SUSD1: variants seen among roughly 807,000 people sequenced by gnomAD.
SUSD1 encodes the protein sushi domain-containing protein 1.
SUSD1 carries 65 observed loss-of-function variants against 86.9 expected under a neutral mutation model. The ratio of observed to expected loss-of-function variants is 0.75; its 90% CI spans 0.61 to 0.92. The LOEUF is 0.92. SUSD1 is among the 40% of genes least tolerant of loss of function. The probability of loss-of-function intolerance (pLI) is 0.00; values close to 1 mark genes in which losing one functional copy is unlikely to be tolerated. For synonymous variants in SUSD1, 346 were observed against 350.0 expected (o/e 0.99, Z 0.13); for missense variants, 850 against 929.7 (o/e 0.91, Z 1.11).
At position 112,111,817 on chromosome 9, in the gene SUSD1, C is replaced by T. The variant is rs1205877681; in HGVS notation, c.1008G>A (p.Leu336=). Residue 336 remains leucine (L), a synonymous_variant, in exon 8 of 17, where the codon TTG becomes TTA. Transcript: ENST00000374270. Reference sequence around the variant, plus strand: ...CCTCACGAACTGATTCCATAGGGTCCAACCGTTGTCCTTTTATGGATATCT... The same window carrying T: ...CCTCACGAACTGATTCCATAGGGTCTAACCGTTGTCCTTTTATGGATATCT... ...SYVISIKGQR[L]DPMESVREET... is the part of the protein sequence containing the mutation. The T allele has an allele frequency of 1.2e-6, 2 of 1,614,030 alleles. No homozygotes were observed. Among genetic ancestry groups the T allele is most frequent in the Non-Finnish European group, 1.7e-6 (2 of 1,179,982 alleles).
At chr9:112,155,368 T>G (rs911053685) in intron 2 of SUSD1, among the ~76,000 whole-genome samples, 2 of 151,922 alleles carry the variant, frequency 1.3e-5, no homozygotes, top group Non-Finnish European at 2.9e-5. Context: ...TGCTAGCAAG[T>G]GCGGGTGAGG....
intron 8 of SUSD1, among the ~76,000 whole-genome samples, chr9:112,107,452 A>G (rs1217155347): frequency 6.6e-6 from 1 of 152,076 alleles, no homozygotes; most frequent in East Asian, 1.9e-4. Flanking sequence ...CTGCTCATAA[A>G]TAAGTAAATA....
chr9:112,164,692 C>G (rs1181602844), intron 1 of SUSD1, among the ~76,000 whole-genome samples: 1 of 152,158 alleles, frequency 6.6e-6, no homozygotes, highest in Non-Finnish European at 1.5e-5. Context: ...TGCCTGTAAT[C>G]CCAGCACTTT....
Position 112,143,013 on chromosome 9 carries a change from C to G in SUSD1, c.526+458G>C, listed in dbSNP as rs7870810. Among the ~76,000 whole-genome samples the G allele has an allele frequency of 4.9e-3, 462 of 93,442 alleles. 7 individuals carry two copies. The highest frequency in any genetic ancestry group is 0.018 in the African/African-American group (442 of 24,364). 61.3% of individuals were successfully genotyped at this position (93,442 alleles called of 152,430 possible). A position where few individuals can be genotyped will look rare whatever the true frequency, so the allele number is the denominator to read the frequency against. On this transcript the variant is annotated intron_variant, in intron 4 of 16. Transcript: ENST00000374270. Reference sequence around the variant, plus strand: ...TTTTTTTTTTTTTTAAGACAGAGATCTCACTCTGTTGTCCAGGCTGGAGTG... The same window carrying G: ...TTTTTTTTTTTTTTAAGACAGAGATGTCACTCTGTTGTCCAGGCTGGAGTG...
At chr9:112,112,649 G>T in intron 7 of SUSD1, 122 bp downstream of exon 7, 1 of 658,848 alleles carries the variant, frequency 1.5e-6, no homozygotes, top group Non-Finnish European at 2.6e-6. Flanking sequence ...AAAAATAAAA[G>T]AAAAAAAGAA....
chr9:112,045,399 C>T (rs995226585), intron 15 of SUSD1, among the ~76,000 whole-genome samples: 1 of 152,158 alleles, frequency 6.6e-6, no homozygotes, highest in African/African-American at 2.4e-5. Flanking sequence ...GATTTCAACT[C>T]ATCAATAATT....
chr9:112,068,716 A>AT (rs1564263768), intron 12 of SUSD1, among the ~76,000 whole-genome samples: 3 of 134,634 alleles, frequency 2.2e-5, no homozygotes, highest in Non-Finnish European at 3.4e-5. Context: ...AAAAAAAAAA[A>AT]ATATTTTTAG....
At chr9:112,098,055 G>A (rs1206403677) in intron 10 of SUSD1, among the ~76,000 whole-genome samples, 1 of 152,122 alleles carries the variant, frequency 6.6e-6, no homozygotes, top group East Asian at 1.9e-4. Context: ...GCTTATGCGT[G>A]GCCTAGTCCT....
intron 12 of SUSD1, among the ~76,000 whole-genome samples, chr9:112,077,499 C>CTTTTTTTTTTT (rs869259276): frequency 1.5e-5 from 1 of 66,404 alleles, no homozygotes; most frequent in African/African-American, 6.1e-5. Context: ...TAGTAATCTA[C>CTTTTTTTTTTT]TTTTTTTTTT....
chr9:112,133,921 T>A (rs1302551534), intron 5 of SUSD1, among the ~76,000 whole-genome samples: 1 of 152,128 alleles, frequency 6.6e-6, no homozygotes, highest in African/African-American at 2.4e-5. Context: ...TGAACAGACA[T>A]GTCTCAAAAG....
At chr9:112,156,007 A>G (rs1833293587) in intron 2 of SUSD1, among the ~76,000 whole-genome samples, 1 of 151,722 alleles carries the variant, frequency 6.6e-6, no homozygotes, top group African/African-American at 2.4e-5. Context: ...AAAGAAAGAA[A>G]GAGAGAGAAG....
chr9:112,056,963 C>G (rs925342703), intron 14 of SUSD1, among the ~76,000 whole-genome samples: 1 of 152,212 alleles, frequency 6.6e-6, no homozygotes, highest in Admixed American at 6.5e-5. Flanking sequence ...GCTCACCACC[C>G]AACCCCTGCC....
chr9:112,063,469 A>T (rs1828823356), intron 12 of SUSD1, among the ~76,000 whole-genome samples: 1 of 152,272 alleles, frequency 6.6e-6, no homozygotes, highest in Non-Finnish European at 1.5e-5. Context: ...CACAATAAAA[A>T]GAAGTGATGA....
chr9:112,124,847 A>G (rs1304003529), intron 5 of SUSD1, among the ~76,000 whole-genome samples: 1 of 152,230 alleles, frequency 6.6e-6, no homozygotes, highest in African/African-American at 2.4e-5. Flanking sequence ...AAGCAAATTA[A>G]TGGAGAAAGT....
chr9:112,061,398 T>C (rs933847574), intron 13 of SUSD1, among the ~76,000 whole-genome samples: 1 of 152,206 alleles, frequency 6.6e-6, no homozygotes, highest in Non-Finnish European at 1.5e-5. Flanking sequence ...GGAATATGAC[T>C]GTTCTGGAAG....
At chr9:112,042,991 G>C (rs3893895) in intron 15 of SUSD1, among the ~76,000 whole-genome samples, 18,689 of 148,644 alleles carry the variant, frequency 0.13, 1,465 homozygotes, top group East Asian at 0.3. Context: ...TGACCTGACT[G>C]ACTCCATCTT....
chr9:112,149,802 A>C (rs946241884), intron 2 of SUSD1, among the ~76,000 whole-genome samples: 1 of 152,202 alleles, frequency 6.6e-6, no homozygotes, highest in African/African-American at 2.4e-5. Context: ...GTGACTTTAC[A>C]GCCAGTGATT....
intron 2 of SUSD1, 80 bp downstream of exon 2, chr9:112,157,420 C>G (rs937659212): frequency 4.3e-6 from 4 of 932,250 alleles, no homozygotes; most frequent in Non-Finnish European, 6.6e-6. Context: ...TGTTTTTCCC[C>G]AAGGACATCA....
At chr9:112,053,554 A>T (rs953849534) in intron 14 of SUSD1, among the ~76,000 whole-genome samples, 4 of 151,940 alleles carry the variant, frequency 2.6e-5, no homozygotes, top group Non-Finnish European at 5.9e-5. Context: ...GAAAAGCTTA[A>T]AATAGCCATA....
Sources: allele counts gnomAD v4.1 joint callset (sites outside exome capture counted in the v4.1 genomes callset), GRCh38; gene constraint gnomAD v4.1.1; transcripts MANE v1.5; gene names NCBI Gene and HGNC (gene_info 2026-07-23, HGNC 2026-07-21).